Variants in PCDHGA9 observed in about 807,000 individuals in gnomAD.
PCDHGA9 encodes protocadherin gamma-A9.
Under a neutral mutation model 62.5 loss-of-function variants are expected in PCDHGA9, and 37 were observed. That is an observed-to-expected ratio of 0.59 (90% CI 0.46 to 0.78). PCDHGA9 has a LOEUF of 0.78. Among genes scored for constraint, PCDHGA9 ranks in the 30% least tolerant of loss-of-function variants. PCDHGA9 has a pLI of 0.00. For synonymous variants in PCDHGA9, 459 were observed against 484.6 expected, an observed-to-expected ratio of 0.95 and a Z score of 0.69; for missense variants, 1,138 against 1,166.2, an observed-to-expected ratio of 0.98 and a Z score of 0.35.
chr5:141,408,851 G>T, intron 1 of PCDHGA9: 4 of 1,613,574 alleles, frequency 2.5e-6, no homozygotes, highest in African/African-American at 1.3e-5. Context: ...TGCCTTGGAC[G>T]GAGGGGACCC....
chr5:141,441,884 C>A (rs2098281796), intron 1 of PCDHGA9: 10 of 343,702 alleles, frequency 2.9e-5, no homozygotes, highest in South Asian at 2.6e-4. Context: ...TACCTGGTCA[C>A]CAAGGTGGTG....
At chr5:141,452,831 G>A (rs1184490491) in intron 1 of PCDHGA9, among the ~76,000 whole-genome samples, 1 of 152,104 alleles carries the variant, frequency 6.6e-6, no homozygotes, top group Non-Finnish European at 1.5e-5. Flanking sequence ...AAAATCACTT[G>A]GTCCAGCCCA....
At chr5:141,415,024 G>C in intron 1 of PCDHGA9, 1 of 1,613,568 alleles carries the variant, frequency 6.2e-7, no homozygotes, top group Non-Finnish European at 8.5e-7. Flanking sequence ...CAAGGCCAGC[G>C]AGCCGGGACT....
rs2094588760 is a variant in PCDHGA9 at position 141,404,950 on chromosome 5, C to T, written c.1998C>T (p.Asp666=). ...ATVTLTVAIA[D]SIPDILADLG... is the part of the protein sequence containing the mutation. ...TCACGCTCACAGTAGCCATAGCTGA[C>T]AGCATCCCAGACATCCTGGCTGACC... Residue 666 remains aspartate, a synonymous_variant, in exon 1 of 4, where the codon GAC becomes GAT. Coordinates refer to ENST00000573521, the MANE Select transcript of PCDHGA9 (RefSeq NM_018921.3). 2 of 1,613,968 alleles carry T rather than the reference C, an allele frequency of 1.2e-6. No homozygotes were observed. The highest frequency in any genetic ancestry group is 4.5e-5 in the East Asian group (2 of 44,846).
At chr5:141,426,946 C>T (rs565370434) in intron 1 of PCDHGA9, 5 of 456,668 alleles carry the variant, frequency 1.1e-5, no homozygotes, top group Non-Finnish European at 2.2e-5. Context: ...CCAGTCCCAA[C>T]TGGCACTGCT....
chr5:141,434,861 T>C (rs1157640770), intron 1 of PCDHGA9, among the ~76,000 whole-genome samples: 1 of 151,998 alleles, frequency 6.6e-6, no homozygotes, highest in Non-Finnish European at 1.5e-5. Context: ...TAAATTTATA[T>C]ATATGTGACA....
chr5:141,419,420 G>C (rs774685112), intron 1 of PCDHGA9: 10 of 1,613,372 alleles, frequency 6.2e-6, no homozygotes, highest in Non-Finnish European at 7.6e-6. Flanking sequence ...GCGCGCCTTC[G>C]ACCACGAGCA....
At chr5:141,418,530 G>C in intron 1 of PCDHGA9, 1 of 1,613,952 alleles carries the variant, frequency 6.2e-7, no homozygotes, top group Non-Finnish European at 8.5e-7. Flanking sequence ...CCCCGAAGCG[G>C]TACTGCTCAG....
In PCDHGA9 at chr5:141,477,157, CA is replaced by C. The variant is rs1240879989; in HGVS notation, c.2425-17648del. 2.5e-6 allele frequency: 4 copies of C among 1,614,064 alleles called. No homozygotes were observed. Among genetic ancestry groups the C allele is most frequent in the Non-Finnish European group, 3.4e-6 (4 of 1,180,046 alleles). ...TGGTGGAGGTTGTGGATGTGAATGACAACGCCCCGGAGATCACAGTCACCTC... is the reference window on the plus strand; with the variant it reads ...TGGTGGAGGTTGTGGATGTGAATGACACGCCCCGGAGATCACAGTCACCTC... On this transcript the variant is annotated intron_variant, in intron 1 of 3. Coordinates refer to ENST00000573521, the MANE Select transcript of PCDHGA9 (RefSeq NM_018921.3). This position sits in a 1 kb window ranked among gnomAD's most constrained non-coding sequence, Gnocchi z 4.9.
intron 1 of PCDHGA9, chr5:141,415,756 T>G (rs756759295): frequency 1.5e-4 from 214 of 1,386,812 alleles, no homozygotes; most frequent in African/African-American, 5.9e-4. Flanking sequence ...TTTTTTTTTT[T>G]TTTTTTTTTT....
Position 141,476,696 on chromosome 5 carries a change from G to T in PCDHGA9, c.2425-18111G>T, listed in dbSNP as rs750429892. ...GACGCGGGAGGACAGCACCAAGTAC[G>T]CGGAGCTGGTGTTGGAGCGCGCCCT... On this transcript the variant is annotated intron_variant, in intron 1 of 3. Transcript: ENST00000573521. This position sits in a 1 kb window ranked among gnomAD's most constrained non-coding sequence, Gnocchi z 7.6. 3 of 1,614,102 alleles carry T rather than the reference G, an allele frequency of 1.9e-6. No individual in the cohort carries two copies. The highest frequency in any genetic ancestry group is 2.5e-6 in the Non-Finnish European group (3 of 1,180,050).
In PCDHGA9 at chr5:141,489,180, CTGGGTCTACCT is replaced by C. The variant is rs906371381; in HGVS notation, c.2425-5623_2425-5613del. 6.3e-5 allele frequency: 79 copies of C among 1,259,748 alleles called. No individual in the cohort carries two copies. The African/African-American group carries it at 9.3e-4, about 15-fold the overall frequency. 78.0% of individuals were successfully genotyped at this position (1,259,748 alleles called of 1,614,324 possible). ...GACTTCAGCTGCTGCATTCCAAGCCCTGGGTCTACCTTGGAGACAGGACAGCACAGACTTAC... is the reference window on the plus strand; with the variant it reads ...GACTTCAGCTGCTGCATTCCAAGCCCTGGAGACAGGACAGCACAGACTTAC... On this transcript the variant is annotated intron_variant, in intron 1 of 3. Coordinates refer to ENST00000573521, the MANE Select transcript of PCDHGA9 (RefSeq NM_018921.3). This position sits in a 1 kb window ranked among gnomAD's most constrained non-coding sequence, Gnocchi z 4.5.
intron 1 of PCDHGA9, chr5:141,419,005 C>G: frequency 6.2e-7 from 1 of 1,613,944 alleles, no homozygotes; most frequent in Non-Finnish European, 8.5e-7. Context: ...ATGGGGAAGT[C>G]AGGTGTAGCT....
At chr5:141,429,378 T>G (rs890583768) in intron 1 of PCDHGA9, among the ~76,000 whole-genome samples, 3 of 105,336 alleles carry the variant, frequency 2.8e-5, no homozygotes, top group African/African-American at 5.2e-5. Flanking sequence ...AGAAAATGTG[T>G]TTTTTTTTTA....
In PCDHGA9 at chr5:141,477,200, C is replaced by A; in HGVS notation, c.2425-17607C>A. On this transcript the variant is annotated intron_variant, in intron 1 of 3. Transcript: ENST00000573521. The surrounding 1 kb of genome is among the most constrained non-coding windows in gnomAD (Gnocchi z 4.9). The stretch of plus-strand genomic sequence containing the variant: ...AGTCACCTCCGTGTACAGCCCAGTA[C>A]CCGAGGATGCCCCTCTGGGGACTGT... 6.2e-7 allele frequency: 1 copy of A among 1,614,206 alleles called. No homozygotes were observed. Among genetic ancestry groups the A allele is most frequent in the South Asian group, 1.1e-5 (1 of 91,088 alleles).
At chr5:141,407,347 TG>T (rs1273387665) in intron 1 of PCDHGA9, among the ~76,000 whole-genome samples, 1 of 152,176 alleles carries the variant, frequency 6.6e-6, no homozygotes, top group Non-Finnish European at 1.5e-5. Flanking sequence ...TATGTTAATT[TG>T]GGGAAAACAT....
At chr5:141,410,764 A>G (rs1288407043) in intron 1 of PCDHGA9, 2 of 1,105,068 alleles carry the variant, frequency 1.8e-6, no homozygotes, top group African/African-American at 1.6e-5. Context: ...TTTTTCAATT[A>G]TAGTTTTCAC....
intron 1 of PCDHGA9, among the ~76,000 whole-genome samples, chr5:141,469,103 C>G (rs949254605): frequency 6.6e-6 from 1 of 151,844 alleles, no homozygotes; most frequent in Non-Finnish European, 1.5e-5. Flanking sequence ...AAAGCAAGAA[C>G]CTGTCTCTAA....
intron 2 of PCDHGA9, among the ~76,000 whole-genome samples, chr5:141,500,020 T>A (rs905529317): frequency 6.6e-6 from 1 of 151,918 alleles, no homozygotes; most frequent in Non-Finnish European, 1.5e-5. Flanking sequence ...ACATTTTATA[T>A]TTGAGTGAGT....
Sources: allele counts gnomAD v4.1 joint callset (sites outside exome capture counted in the v4.1 genomes callset), GRCh38; gene constraint gnomAD v4.1.1; non-coding constraint Gnocchi (gnomAD v3.1); transcripts MANE v1.5; gene names NCBI Gene and HGNC (gene_info 2026-07-23, HGNC 2026-07-21).